Variants in ZNF497 observed in about 807,000 individuals in gnomAD.
ZNF497 encodes the protein zinc finger protein 497.
For missense variants in ZNF497, 930 were observed against 714.0 expected (o/e 1.30, Z -3.45); for synonymous variants, 422 against 313.7 (o/e 1.35, Z -3.65).
chr19:58,358,318 C>T, intron 2 of ZNF497, 171 bp downstream of exon 2: 2 of 1,280,084 alleles, frequency 1.6e-6, no homozygotes, highest in Non-Finnish European at 2.0e-6. Context: ...GGTGGGAGGG[C>T]CTCCTTGGTC....
Position 58,356,046 on chromosome 19 carries a change from G to T in ZNF497, c.*93C>A. 7.2e-7 allele frequency: 1 copy of T among 1,387,984 alleles called. No homozygotes were observed. Among genetic ancestry groups the T allele is most frequent in the Non-Finnish European group, 9.4e-7 (1 of 1,058,794 alleles). The allele number at this position is 1,387,984 out of a possible 1,614,324, so 86.0% of individuals were successfully genotyped here. A position where few individuals can be genotyped will look rare whatever the true frequency, so the allele number is the denominator to read the frequency against. On this transcript the variant is annotated 3_prime_UTR_variant, in exon 3 of 3. Transcript: ENST00000311044. ...CAGCAGGAGGGCGCCCGCACCGGCG[G>T]CCCGAAAAAGTCTGGGCCAGCAGAC...
chr19:58,356,670 G>T lies in ZNF497; in HGVS notation c.966C>A (p.Arg322=). ...CGAAGGGCCGCTCACCAGTGTGCGT[G>T]CGCTGGTGCTGCAGGAGCTGCGAGC... is the stretch of plus-strand genomic sequence containing the variant. ...RESSQLLQHQ[R]THTGERPFEC... is the part of the protein sequence containing the mutation. The change falls in exon 3 of 3, where the codon CGC becomes CGA. Residue 322 remains arginine, a synonymous_variant. Transcript: ENST00000311044. The T allele has an allele frequency of 6.4e-7, 1 of 1,552,992 alleles. No individual in the cohort carries two copies. Among genetic ancestry groups the T allele is most frequent in the South Asian group, 1.2e-5 (1 of 85,468 alleles).
At position 58,355,548 on chromosome 19, in the gene ZNF497, C is replaced by T. The variant is rs1289098336; in HGVS notation, c.*591G>A. The T allele has an allele frequency of 6.6e-6, 1 of 152,432 alleles. No individual in the cohort carries two copies. Among genetic ancestry groups the T allele is most frequent in the Non-Finnish European group, 1.5e-5 (1 of 68,230 alleles). The allele number at this position is 152,432 out of a possible 1,614,324, so 9.4% of individuals were successfully genotyped here. The stretch of plus-strand genomic sequence containing the variant: ...AGAAAAGTCCCATGAAACAGACCTA[C>T]ACAGGTGAGATTCTGAGATTGATCT... On this transcript the variant is annotated 3_prime_UTR_variant, in exon 3 of 3. Transcript: ENST00000311044.
At chr19:58,358,128 C>A in intron 2 of ZNF497, 2 of 1,278,326 alleles carry the variant, frequency 1.6e-6, no homozygotes, top group Non-Finnish European at 2.0e-6. Flanking sequence ...ACCCACTCCA[C>A]CCTGGCCGGA....
chr19:58,358,472 T>C lies in ZNF497; in HGVS notation c.-15+17A>G, dbSNP rs2052053920. On this transcript the variant is annotated intron_variant, in intron 2 of 2. Coordinates refer to ENST00000311044, the MANE Select transcript of ZNF497 (RefSeq NM_198458.3). Reference sequence around the variant, plus strand: ...TGCCAAGGCAGGGCAGGGACAAGTGTGTAGATGGTGCCATACCTGGAGGTG... The same window carrying C: ...TGCCAAGGCAGGGCAGGGACAAGTGCGTAGATGGTGCCATACCTGGAGGTG... The C allele has an allele frequency of 8.5e-7, 1 of 1,181,584 alleles. No homozygotes were observed. 73.2% of individuals were successfully genotyped at this position (1,181,584 alleles called of 1,614,324 possible).
Position 58,356,159 on chromosome 19 carries a change from C to G in ZNF497, c.1477G>C (p.Gly493Arg). The change falls in exon 3 of 3, where the codon GGG (glycine) becomes CGG (arginine). Residue 493 changes from glycine (G) to arginine (R), a missense_variant. Physicochemically the swap from Gly to Arg is moderately radical, Grantham distance 125. Coordinates refer to ENST00000311044, the MANE Select transcript of ZNF497 (RefSeq NM_198458.3). Reference protein sequence around the residue: ...CNLNEHQKRHGGRAAP With the variant: ...CNLNEHQKRHRGRAAP The stretch of plus-strand genomic sequence containing the variant: ...TCGGGTCAGGGCGCAGCGCGGCCCC[C>G]GTGCCGCTTCTGGTGCTCGTTGAGG... The G allele has an allele frequency of 6.4e-7, 1 of 1,569,258 alleles. No homozygotes were observed. The highest frequency in any genetic ancestry group is 1.2e-5 in the South Asian group (1 of 85,894).
Position 58,355,951 on chromosome 19 carries a change from G to A in ZNF497, c.*188C>T. ...TACATGTCCCCAGACAGGCCTGGGT[G>A]GCCGGTGGACTATCGTCAAAGGGAC... On this transcript the variant is annotated 3_prime_UTR_variant, in exon 3 of 3. Coordinates refer to ENST00000311044, the MANE Select transcript of ZNF497 (RefSeq NM_198458.3). 1 of 633,424 alleles carries A rather than the reference G, an allele frequency of 1.6e-6. No homozygotes were observed. Among genetic ancestry groups the A allele is most frequent in the Non-Finnish European group, 2.6e-6 (1 of 391,640 alleles). The allele number at this position is 633,424 out of a possible 1,614,324, so 39.2% of individuals were successfully genotyped here. A position where few individuals can be genotyped will look rare whatever the true frequency, so the allele number is the denominator to read the frequency against.
At position 58,356,435 on chromosome 19, in the gene ZNF497, G is replaced by A. The variant is rs748209961; in HGVS notation, c.1201C>T (p.Leu401=). 2.2e-5 allele frequency: 35 copies of A among 1,560,584 alleles called. No homozygotes were observed. Among genetic ancestry groups the A allele is most frequent in the Non-Finnish European group, 2.4e-5 (28 of 1,158,384 alleles). ...CGKAFRGSSG[L]AHHRLSHTGE... is the part of the protein sequence containing the mutation. ...GTGTGCGAAAGCCGGTGGTGCGCCAGGCCGGAACTGCCGCGGAAGGCCTTG... is the reference window on the plus strand; with the variant it reads ...GTGTGCGAAAGCCGGTGGTGCGCCAAGCCGGAACTGCCGCGGAAGGCCTTG... Residue 401 remains leucine, a synonymous_variant, in exon 3 of 3, where the codon CTG becomes TTG. Transcript: ENST00000311044.
chr19:58,361,351 T>A (rs183047407), intron 1 of ZNF497, among the ~76,000 whole-genome samples: 3 of 152,168 alleles, frequency 2.0e-5, no homozygotes, highest in Middle Eastern at 3.4e-3. Context: ...TGTACTCTAG[T>A]TTTTCTTTCT....
rs1472023705 is a variant in ZNF497, at chr19:58,356,923, C to G, written c.713G>C (p.Arg238Pro). The G allele has an allele frequency of 1.3e-6, 2 of 1,596,350 alleles. No homozygotes were observed. Residue 238 changes from arginine to proline, a missense_variant, in exon 3 of 3, where the codon CGC (arginine) becomes CCC (proline). Arg to Pro is a moderately radical substitution (Grantham distance 103). Transcript: ENST00000311044. The stretch of plus-strand genomic sequence containing the variant: ...GTGCGGCCGCGCGCCCGTGTGCACG[C>G]GCCGGTGCTCCAGGAAATTGGAGTT... ...SWNSNFLEHR[R>P]VHTGARPHAC...
chr19:58,356,466 G>A lies in ZNF497; in HGVS notation c.1170C>T (p.Asp390=), dbSNP rs750415412. Residue 390 remains aspartate, a synonymous_variant, in exon 3 of 3, where the codon GAC becomes GAT. Coordinates refer to ENST00000311044, the MANE Select transcript of ZNF497 (RefSeq NM_198458.3). ...HSGAKPFACA[D]CGKAFRGSSG... is the part of the protein sequence containing the mutation. ...AACTGCCGCGGAAGGCCTTGCCGCA[G>A]TCGGCGCAGGCGAAGGGCTTGGCGC... The A allele has an allele frequency of 2.3e-5, 36 of 1,550,208 alleles. No homozygotes were observed. The highest frequency in any genetic ancestry group is 2.9e-5 in the Non-Finnish European group (34 of 1,154,206).
intron 1 of ZNF497, 110 bp from the exon 2 acceptor site, chr19:58,358,695 A>T: frequency 2.0e-6 from 1 of 502,340 alleles, no homozygotes; most frequent in Non-Finnish European, 3.6e-6. Context: ...TTCAGTTCTC[A>T]GGACACAATG....
chr19:58,357,908 AG>A, intron 2 of ZNF497: 6 of 1,358,752 alleles, frequency 4.4e-6, no homozygotes, highest in Non-Finnish European at 4.7e-6. Context: ...GCAGGAGGGG[AG>A]GGGGCGCCAG....
intron 2 of ZNF497, chr19:58,358,182 G>C (rs2052050114): frequency 1.6e-6 from 2 of 1,290,134 alleles, no homozygotes; most frequent in Non-Finnish European, 2.0e-6. Flanking sequence ...GCATGTCCAG[G>C]CTGGAGGATC....
chr19:58,357,795 G>A, intron 2 of ZNF497, 146 bp from the exon 3 acceptor site: 3 of 1,202,416 alleles, frequency 2.5e-6, no homozygotes, highest in Non-Finnish European at 2.2e-6. Context: ...CTGGAGCCTG[G>A]AGCAGGAAGG....
At chr19:58,360,512 C>T in intron 1 of ZNF497, among the ~76,000 whole-genome samples, 1 of 151,834 alleles carries the variant, frequency 6.6e-6, no homozygotes, top group Admixed American at 6.6e-5. Context: ...CCACCATACC[C>T]AGCTAATTTT....
chr19:58,357,313 C>T lies in ZNF497; in HGVS notation c.323G>A (p.Cys108Tyr), dbSNP rs1180991463. Residue 108 changes from cysteine to tyrosine, a missense_variant, in exon 3 of 3, where the codon TGC becomes TAC. Cys to Tyr is a radical substitution (Grantham distance 194, BLOSUM62 -2). Transcript: ENST00000311044. ...SPLPEEPGCR[C>Y]GECGKAFSQG... ...GCTGAACGCCTTGCCGCACTCCCCG[C>T]ACCGGCAGCCCGGCTCCTCTGGGAG... 2 of 1,607,376 alleles carry T rather than the reference C, an allele frequency of 1.2e-6. No homozygotes were observed. The highest frequency in any genetic ancestry group is 1.7e-6 in the Non-Finnish European group (2 of 1,177,352).
At position 58,358,516 on chromosome 19, in the gene ZNF497, G is replaced by A. The variant is rs1338971963; in HGVS notation, c.-42C>T. 1 of 1,184,870 alleles carries A rather than the reference G, an allele frequency of 8.4e-7. No individual in the cohort carries two copies. The highest frequency in any genetic ancestry group is 5.9e-5 in the East Asian group (1 of 16,962). 73.4% of individuals were successfully genotyped at this position (1,184,870 alleles called of 1,614,324 possible). A position where few individuals can be genotyped will look rare whatever the true frequency, so the allele number is the denominator to read the frequency against. ...GGAGGTGGGGCCTGGAAGGGGCCCA[G>A]GGGAGCCTCTTGCTCCTCTCCCTCC... On this transcript the variant is annotated 5_prime_UTR_variant, in exon 2 of 3. Transcript: ENST00000311044.
chr19:58,358,675 T>C (rs945728088), intron 1 of ZNF497, 90 bp from the exon 2 acceptor site: 41 of 556,388 alleles, frequency 7.4e-5, no homozygotes, highest in Non-Finnish European at 1.1e-4. Flanking sequence ...GACCCACCCT[T>C]CTCTGCACCT....
Sources: allele counts gnomAD v4.1 joint callset (sites outside exome capture counted in the v4.1 genomes callset), GRCh38; gene constraint gnomAD v4.1.1; transcripts MANE v1.5; gene names NCBI Gene and HGNC (gene_info 2026-07-23, HGNC 2026-07-21).